Variants in DYNC1H1 observed in about 807,000 individuals in gnomAD.
The protein encoded by DYNC1H1 is cytoplasmic dynein 1 heavy chain 1.
DYNC1H1 carries 51 observed loss-of-function variants against 527.1 expected under a neutral mutation model. The observed-to-expected ratio is 0.10, with a 90% CI of 0.08 to 0.12. The LOEUF (loss-of-function observed/expected upper bound fraction) is 0.12. Among genes scored for constraint, DYNC1H1 ranks in the 10% least tolerant of loss-of-function variants. DYNC1H1 has a pLI of 1.00. For missense variants in DYNC1H1, 2,771 were observed against 5,971.8 expected, an observed-to-expected ratio of 0.46 and a Z score of 17.66; for synonymous variants, 2,189 against 2,278.8, an observed-to-expected ratio of 0.96 and a Z score of 1.12.
Position 102,018,212 on chromosome 14 carries a change from C to G in DYNC1H1, c.8178-239C>G, listed in dbSNP as rs1378803854. On this transcript the variant is annotated intron_variant, in intron 40 of 77. Transcript: ENST00000360184. This position sits in a 1 kb window ranked among gnomAD's most constrained non-coding sequence, Gnocchi z 5.2. ...GAGCCAAGATGAGCCTGAAATAAGCCTTGGTTATTTTTTCATCTTTGCTGG... is the reference window on the plus strand; with the variant it reads ...GAGCCAAGATGAGCCTGAAATAAGCGTTGGTTATTTTTTCATCTTTGCTGG... Among the ~76,000 whole-genome samples, 1 of 152,204 alleles carries G rather than the reference C, an allele frequency of 6.6e-6. No homozygotes were observed. The highest frequency in any genetic ancestry group is 6.5e-5 in the Admixed American group (1 of 15,278).
chr14:102,027,393 A>G lies in DYNC1H1; in HGVS notation c.8897A>G (p.Lys2966Arg). Residue 2966 changes from lysine (K) to arginine (R), a missense_variant, in exon 46 of 78, where the codon AAG becomes AGG. By Grantham distance (26) the Lys-to-Arg change is conservative. This residue lies in a region of DYNC1H1 where 84 missense variants were observed against 285.4 expected (regional missense o/e 0.29). Transcript: ENST00000360184. This position sits in a 1 kb window ranked among gnomAD's most constrained non-coding sequence, Gnocchi z 7.7. ...LSVYQIKVHR[K>R]YTGEDFDEDL... ...CCTCTGCTTCTGTAGGTCCATAGGA[A>G]GTACACAGGGGAAGACTTTGATGAA... 1 of 1,614,140 alleles carries G rather than the reference A, an allele frequency of 6.2e-7. No homozygotes were observed. The highest frequency in any genetic ancestry group is 1.1e-5 in the South Asian group (1 of 91,072).
At position 102,012,210 on chromosome 14, in the gene DYNC1H1, G is replaced by T. The variant is rs565864178; in HGVS notation, c.6857+97G>T. On this transcript the variant is annotated intron_variant, in intron 33 of 77. Coordinates refer to ENST00000360184, the MANE Select transcript of DYNC1H1 (RefSeq NM_001376.5). This position sits in a 1 kb window ranked among gnomAD's most constrained non-coding sequence, Gnocchi z 4.9. ...GAGTATACGTTATTTTTCAACCAAA[G>T]TCTGAGCAAATTAAAGGTCATTTCA... 9.3e-6 allele frequency: 15 copies of T among 1,612,006 alleles called. No individual in the cohort carries two copies. The highest frequency in any genetic ancestry group is 1.3e-5 in the Non-Finnish European group (15 of 1,178,526).
At position 102,044,544 on chromosome 14, in the gene DYNC1H1, GTCAC is replaced by G. The variant is rs756695164; in HGVS notation, c.12903-47_12903-44del. The G allele has an allele frequency of 6.2e-7, 1 of 1,613,908 alleles. No homozygotes were observed. Among genetic ancestry groups the G allele is most frequent in the Non-Finnish European group, 8.5e-7 (1 of 1,179,806 alleles). On this transcript the variant is annotated intron_variant, in intron 71 of 77. Transcript: ENST00000360184. This position sits in a 1 kb window ranked among gnomAD's most constrained non-coding sequence, Gnocchi z 7.1. ...CAGTTGTGATGTCAGGGCGTCTGGT[GTCAC>G]TCAGAGGTGACCCCTGACATCATTT...
At chr14:102,028,653 T>TA (rs2048477336) in intron 48 of DYNC1H1, 1 of 204,404 alleles carries the variant, frequency 4.9e-6, no homozygotes, top group Non-Finnish European at 1.0e-5. Context: ...TGGAGCCGTC[T>TA]AACACTTTAG....
intron 5 of DYNC1H1, among the ~76,000 whole-genome samples, chr14:101,982,571 G>A (rs1179322184): frequency 3.3e-5 from 5 of 151,936 alleles, no homozygotes; most frequent in African/African-American, 9.7e-5. Flanking sequence ...CAGCTTGGGC[G>A]ACAGAGCAAA....
At chr14:101,966,947 A>G (rs1281713652) in intron 1 of DYNC1H1, among the ~76,000 whole-genome samples, 1 of 152,180 alleles carries the variant, frequency 6.6e-6, no homozygotes, top group Admixed American at 6.5e-5. Flanking sequence ...TGGCTCCATA[A>G]TGACTTGCAC....
At chr14:102,026,300 T>A (rs1469308109) in intron 43 of DYNC1H1, among the ~76,000 whole-genome samples, 5 of 152,196 alleles carry the variant, frequency 3.3e-5, no homozygotes, top group African/African-American at 1.2e-4. Flanking sequence ...ATTTTTATAG[T>A]AGAGTGTTTT....
At position 102,033,780 on chromosome 14, in the gene DYNC1H1, C is replaced by T. The variant is rs982842254; in HGVS notation, c.10414-196C>T. Reference sequence around the variant, plus strand: ...CTCGCTCCGTACCCAGCTTCTGCCCCGCTGAGATTCTGAGTCGTGTGTGGT... The same window carrying T: ...CTCGCTCCGTACCCAGCTTCTGCCCTGCTGAGATTCTGAGTCGTGTGTGGT... On this transcript the variant is annotated intron_variant, in intron 54 of 77. Transcript: ENST00000360184. The surrounding 1 kb of genome is among the most constrained non-coding windows in gnomAD (Gnocchi z 5.6). 17 of 708,498 alleles carry T rather than the reference C, an allele frequency of 2.4e-5. No individual in the cohort carries two copies. Among genetic ancestry groups the T allele is most frequent in the South Asian group, 3.5e-5 (2 of 56,614 alleles). The allele number at this position is 708,498 out of a possible 1,614,324, so 43.9% of individuals were successfully genotyped here.
chr14:101,965,302 G>A lies in DYNC1H1; in HGVS notation c.256+355G>A, dbSNP rs886356739. On this transcript the variant is annotated intron_variant, in intron 1 of 77. Coordinates refer to ENST00000360184, the MANE Select transcript of DYNC1H1 (RefSeq NM_001376.5). The surrounding 1 kb of genome is among the most constrained non-coding windows in gnomAD (Gnocchi z 4.1). ...TCTGCTCGGGCCTCTCAAGATGGCC[G>A]AGTTGGGTGGAGACAGCGTCTCCCT... Among the ~76,000 whole-genome samples the A allele has an allele frequency of 6.6e-6, 1 of 152,228 alleles. No individual in the cohort carries two copies. The highest frequency in any genetic ancestry group is 6.5e-5 in the Admixed American group (1 of 15,288).
chr14:102,047,591 ATATATATACACATATATG>A lies in DYNC1H1; in HGVS notation c.13007-214_13007-197del, dbSNP rs1194172393. The A allele has an allele frequency of 8.7e-5, 31 of 355,060 alleles. 2 individuals are homozygous for A. The highest frequency in any genetic ancestry group is 1.2e-4 in the Admixed American group (3 of 24,216). The allele number at this position is 355,060 out of a possible 1,614,324, so 22.0% of individuals were successfully genotyped here. A position where few individuals can be genotyped will look rare whatever the true frequency, so the allele number is the denominator to read the frequency against. On this transcript the variant is annotated intron_variant, in intron 72 of 77. Coordinates refer to ENST00000360184, the MANE Select transcript of DYNC1H1 (RefSeq NM_001376.5). Reference sequence around the variant, plus strand: ...TATATATATACATACACATACGTATATATATATACACATATATGTATATATACACGTGTGTGTGTGTGT... The same window carrying A: ...TATATATATACATACACATACGTATATATATATACACGTGTGTGTGTGTGT...
At position 102,044,888 on chromosome 14, in the gene DYNC1H1, C is replaced by T. The variant is rs17512898; in HGVS notation, c.13006+190C>T. The T allele has an allele frequency of 0.021, 13,522 of 644,152 alleles. 231 individuals are homozygous for T. Among genetic ancestry groups the T allele is most frequent in the South Asian group, 0.045 (2,414 of 53,922 alleles). The allele number at this position is 644,152 out of a possible 1,614,324, so 39.9% of individuals were successfully genotyped here. On this transcript the variant is annotated intron_variant, in intron 72 of 77. Transcript: ENST00000360184. The surrounding 1 kb of genome is among the most constrained non-coding windows in gnomAD (Gnocchi z 7.1). ...TCTCCAGCTGCTCCTAGCTCCACTC[C>T]GAGGGGAGGCAGAGGAAAGAACTGG... is the stretch of plus-strand genomic sequence containing the variant.
In DYNC1H1 at chr14:101,964,745, G is replaced by A. The variant is rs1231475898; in HGVS notation, c.54G>A (p.Val18=). 12 of 1,597,540 alleles carry A rather than the reference G, an allele frequency of 7.5e-6. No homozygotes were observed. Among genetic ancestry groups the A allele is most frequent in the Non-Finnish European group, 1.0e-5 (12 of 1,175,680 alleles). The change falls in exon 1 of 78, where the codon GTG becomes GTA. Residue 18 remains valine, a synonymous_variant. Coordinates refer to ENST00000360184, the MANE Select transcript of DYNC1H1 (RefSeq NM_001376.5). This position sits in a 1 kb window ranked among gnomAD's most constrained non-coding sequence, Gnocchi z 5.5. ...GGEDGSAGLE[V]SAVQNVADVS... ...AGGACGGCTCGGCCGGATTGGAAGT[G>A]TCGGCCGTGCAGAATGTGGCGGACG...
At position 102,016,774 on chromosome 14, in the gene DYNC1H1, C is replaced by T; in HGVS notation, c.7623C>T (p.Ile2541=). ...NIPIIDYEVS[I]SGEWSPWQAK... is the part of the protein sequence containing the mutation. ...TCCATCTCCGTGTGTAGGTGTCCATCAGCGGAGAATGGTCTCCGTGGCAGG... is the reference window on the plus strand; with the variant it reads ...TCCATCTCCGTGTGTAGGTGTCCATTAGCGGAGAATGGTCTCCGTGGCAGG... The change falls in exon 38 of 78, where the codon ATC becomes ATT. Residue 2541 remains isoleucine, a synonymous_variant. Coordinates refer to ENST00000360184, the MANE Select transcript of DYNC1H1 (RefSeq NM_001376.5). The surrounding 1 kb of genome is among the most constrained non-coding windows in gnomAD (Gnocchi z 7.3). The T allele has an allele frequency of 2.5e-6, 4 of 1,613,706 alleles. No homozygotes were observed. Among genetic ancestry groups the T allele is most frequent in the Non-Finnish European group, 3.4e-6 (4 of 1,179,940 alleles).
At position 101,966,834 on chromosome 14, in the gene DYNC1H1, G is replaced by C. The variant is rs914521516; in HGVS notation, c.256+1887G>C. Reference sequence around the variant, plus strand: ...ACGTTGCTAAAATTATTGGGGTGGGGGGACTATGTTTATGTAGTACAATAT... The same window carrying C: ...ACGTTGCTAAAATTATTGGGGTGGGCGGACTATGTTTATGTAGTACAATAT... On this transcript the variant is annotated intron_variant, in intron 1 of 77. Transcript: ENST00000360184. Among the ~76,000 whole-genome samples the C allele has an allele frequency of 2.6e-5, 4 of 152,032 alleles. No homozygotes were observed. In the East Asian group the frequency reaches 7.7e-4, roughly 29 times the overall value.
chr14:102,015,839 C>T lies in DYNC1H1; in HGVS notation c.7243-17C>T. ...CCTTTTGAAAGATAGTTAAGTATCACTCCTTCCACTTTCTAGATCCAAAGA... is the reference window on the plus strand; with the variant it reads ...CCTTTTGAAAGATAGTTAAGTATCATTCCTTCCACTTTCTAGATCCAAAGA... On this transcript the variant is annotated splice_polypyrimidine_tract_variant and intron_variant, in intron 35 of 77. Coordinates refer to ENST00000360184, the MANE Select transcript of DYNC1H1 (RefSeq NM_001376.5). This position sits in a 1 kb window ranked among gnomAD's most constrained non-coding sequence, Gnocchi z 6.9. 3 of 1,613,500 alleles carry T rather than the reference C, an allele frequency of 1.9e-6. No homozygotes were observed. Among genetic ancestry groups the T allele is most frequent in the East Asian group, 2.2e-5 (1 of 44,872 alleles).
At position 102,042,354 on chromosome 14, in the gene DYNC1H1, T is replaced by A; in HGVS notation, c.12276-30T>A. On this transcript the variant is annotated intron_variant, in intron 67 of 77. Coordinates refer to ENST00000360184, the MANE Select transcript of DYNC1H1 (RefSeq NM_001376.5). This position sits in a 1 kb window ranked among gnomAD's most constrained non-coding sequence, Gnocchi z 5.7. ...AGGCATTCAGGCAGGCAGCCTGGCA[T>A]GCTGTGTGACTCTCACTTTGTGTGT... The A allele has an allele frequency of 6.2e-7, 1 of 1,614,178 alleles. No individual in the cohort carries two copies. Among genetic ancestry groups the A allele is most frequent in the African/African-American group, 1.3e-5 (1 of 75,052 alleles).
chr14:101,968,640 G>A (rs537740320), intron 1 of DYNC1H1, among the ~76,000 whole-genome samples: 7 of 152,142 alleles, frequency 4.6e-5, no homozygotes, highest in Admixed American at 3.3e-4. Flanking sequence ...TCTGCTCACC[G>A]CATCCTCAAC....
Position 102,040,594 on chromosome 14 carries a change from A to T in DYNC1H1, c.11866-4A>T, listed in dbSNP as rs766735095. The T allele has an allele frequency of 1.5e-5, 24 of 1,614,076 alleles. No homozygotes were observed. The highest frequency in any genetic ancestry group is 2.7e-5 in the African/African-American group (2 of 74,928). ...CATGGGTGCTTCCACTATTGTCTCC[A>T]CAGCAATTTGGCATCTGGCTGGACA... is the stretch of plus-strand genomic sequence containing the variant. On this transcript the variant is annotated splice_polypyrimidine_tract_variant and splice_region_variant and intron_variant, in intron 63 of 77. Coordinates refer to ENST00000360184, the MANE Select transcript of DYNC1H1 (RefSeq NM_001376.5).
At chr14:102,003,335 C>T (rs944003566) in intron 23 of DYNC1H1, among the ~76,000 whole-genome samples, 2 of 150,834 alleles carry the variant, frequency 1.3e-5, no homozygotes, top group African/African-American at 4.9e-5. Context: ...CATCTCGGCT[C>T]ACTGCAACCT....
Sources: gnomAD v4.1 joint callset for allele counts (sites outside exome capture counted in the v4.1 genomes callset) on GRCh38, gnomAD v4.1.1 for gene constraint, gnomAD v4.1.1 regional missense constraint, Gnocchi (gnomAD v3.1) non-coding constraint, MANE v1.5 for transcripts, NCBI Gene and HGNC (gene_info 2026-07-23, HGNC 2026-07-21) for gene names.